NDUFB3: variants seen among roughly 807,000 people sequenced by gnomAD.
NDUFB3 encodes the protein NADH:ubiquinone oxidoreductase subunit B3, also known as NADH dehydrogenase [ubiquinone] 1 beta subcomplex subunit 3.
Under a neutral mutation model 9.0 loss-of-function variants are expected in NDUFB3, and 7 were observed. That is an observed-to-expected ratio of 0.78 (90% CI 0.44 to 1.46). The LOEUF (loss-of-function observed/expected upper bound fraction) is 1.46. Ranked by LOEUF, NDUFB3 falls within the 40% of genes most tolerant of loss-of-function variation. NDUFB3 has a pLI of 0.01. For missense variants in NDUFB3, 93 were observed against 115.4 expected, an observed-to-expected ratio of 0.81 and a Z score of 0.89; for synonymous variants, 29 against 38.5, an observed-to-expected ratio of 0.75 and a Z score of 0.91.
In NDUFB3 at chr2:201,076,512, T is replaced by TATATATAA. The variant is rs1250913348; in HGVS notation, c.-2-2368_-2-2367insTATATAAA. Among the ~76,000 whole-genome samples, 52 of 134,426 alleles carry TATATATAA rather than the reference T, an allele frequency of 3.9e-4. 1 individual carries two copies. Among genetic ancestry groups the TATATATAA allele is most frequent in the African/African-American group, 1.4e-3 (50 of 35,534 alleles). The allele number at this position is 134,426 out of a possible 152,430, so 88.2% of individuals were successfully genotyped here. On this transcript the variant is annotated intron_variant, in intron 1 of 2. Transcript: ENST00000237889. ...ATATATATATATATATATATATATATAATTAAATGTGAAAATCATCAACAT... is the reference window on the plus strand; with the variant it reads ...ATATATATATATATATATATATATATATATATAAAATTAAATGTGAAAATCATCAACAT...
At chr2:201,078,807 C>A in intron 1 of NDUFB3, 74 bp from the exon 2 acceptor site, 2 of 1,362,944 alleles carry the variant, frequency 1.5e-6, no homozygotes, top group East Asian at 2.5e-5. Context: ...TACCTTAAAA[C>A]ATAAACAATA....
At chr2:201,078,320 G>A (rs1455346141) in intron 1 of NDUFB3, among the ~76,000 whole-genome samples, 3 of 151,948 alleles carry the variant, frequency 2.0e-5, no homozygotes, top group African/African-American at 7.2e-5. Context: ...AGAAGAAGAA[G>A]AAGTTAGGAG....
At chr2:201,078,281 G>A (rs1217725033) in intron 1 of NDUFB3, among the ~76,000 whole-genome samples, 1 of 152,126 alleles carries the variant, frequency 6.6e-6, no homozygotes, top group East Asian at 1.9e-4. Flanking sequence ...CAGCCTGAGC[G>A]ACAGAGCGAG....
At chr2:201,074,491 CTG>C (rs1297547732) in intron 1 of NDUFB3, among the ~76,000 whole-genome samples, 2 of 137,750 alleles carry the variant, frequency 1.5e-5, no homozygotes, top group African/African-American at 2.8e-5. Context: ...GAATCTCACT[CTG>C]TCACCCAGGC....
intron 1 of NDUFB3, among the ~76,000 whole-genome samples, chr2:201,074,015 C>T (rs555150677): frequency 7.9e-5 from 12 of 152,128 alleles, no homozygotes; most frequent in East Asian, 5.8e-4. Context: ...TGCAGTGGCG[C>T]GATCTCGGCT....
At chr2:201,075,097 A>G (rs542248537) in intron 1 of NDUFB3, among the ~76,000 whole-genome samples, 2 of 151,674 alleles carry the variant, frequency 1.3e-5, no homozygotes, top group South Asian at 2.1e-4. Context: ...TGTAGTCCCA[A>G]TATTTTAGGA....
At chr2:201,075,929 A>G (rs2047158668) in intron 1 of NDUFB3, among the ~76,000 whole-genome samples, 1 of 152,200 alleles carries the variant, frequency 6.6e-6, no homozygotes, top group African/African-American at 2.4e-5. Flanking sequence ...GTCTTGTTTT[A>G]AGTGTTTTTA....
In NDUFB3 at chr2:201,085,744, A is replaced by AT. The variant is rs1447752189; in HGVS notation, c.*130dup. ...ATTTAATCAATTAAAATATATATATATGCCAATCTGCTTTTGTCATTCTTA... is the reference window on the plus strand; with the variant it reads ...ATTTAATCAATTAAAATATATATATATTGCCAATCTGCTTTTGTCATTCTTA... On this transcript the variant is annotated 3_prime_UTR_variant, in exon 3 of 3. Coordinates refer to ENST00000237889, the MANE Select transcript of NDUFB3 (RefSeq NM_002491.3). 7.3e-6 allele frequency: 5 copies of AT among 686,408 alleles called. No individual in the cohort carries two copies. In the African/African-American group the frequency reaches 9.1e-5, roughly 13 times the overall value. 42.5% of individuals were successfully genotyped at this position (686,408 alleles called of 1,614,324 possible). A position where few individuals can be genotyped will look rare whatever the true frequency, so the allele number is the denominator to read the frequency against.
rs2047196390 is a variant in NDUFB3 at position 201,079,001 on chromosome 2, G to A, written c.119G>A (p.Gly40Glu). ...ATCCAGAAGAAGCTGGCTGCAAAAG[G>A]GCTAAGGGATCCATGGGGCCGGTAA... is the stretch of plus-strand genomic sequence containing the variant. Reference protein sequence around the residue: ...ETIQKKLAAKGLRDPWGRNEA... With the variant: ...ETIQKKLAAKELRDPWGRNEA... The change falls in exon 2 of 3, where the codon GGG becomes GAG. Residue 40 changes from glycine to glutamate, a missense_variant. Physicochemically the swap from Gly to Glu is moderately conservative, Grantham distance 98 (BLOSUM62 -2). Coordinates refer to ENST00000237889, the MANE Select transcript of NDUFB3 (RefSeq NM_002491.3). The A allele has an allele frequency of 6.2e-7, 1 of 1,612,098 alleles. No individual in the cohort carries two copies. Among genetic ancestry groups the A allele is most frequent in the East Asian group, 2.2e-5 (1 of 44,862 alleles).
rs1480536403 is a variant in NDUFB3 at position 201,085,477 on chromosome 2, C to G, written c.159C>G (p.Tyr53Ter). The change falls in exon 3 of 3, where the codon TAC becomes TAG. Residue 53 changes from tyrosine to a stop codon, truncating the protein, a stop_gained. Coordinates refer to ENST00000237889, the MANE Select transcript of NDUFB3 (RefSeq NM_002491.3). LOFTEE classifies it high-confidence loss of function. ...DPWGRNEAWR[Y>*]MGGFAKSVSF... ...TTTCTAGCAATGAAGCTTGGAGATA[C>G]ATGGGTGGCTTTGCAAAGAGTGTTT... 1.2e-6 allele frequency: 2 copies of G among 1,602,700 alleles called. No homozygotes were observed. The highest frequency in any genetic ancestry group is 3.4e-5 in the Admixed American group (2 of 58,762).
chr2:201,076,140 A>T (rs1048285876), intron 1 of NDUFB3, among the ~76,000 whole-genome samples: 1 of 152,092 alleles, frequency 6.6e-6, no homozygotes, highest in Admixed American at 6.6e-5. Flanking sequence ...TAAATGTTTC[A>T]TTCAGAGTTG....
rs2047196043 is a variant in NDUFB3, at chr2:201,078,981, G to A, written c.99G>A (p.Gln33=). 1 of 1,613,244 alleles carries A rather than the reference G, an allele frequency of 6.2e-7. No homozygotes were observed. Among genetic ancestry groups the A allele is most frequent in the Non-Finnish European group, 8.5e-7 (1 of 1,179,792 alleles). Residue 33 remains glutamine (Q), a synonymous_variant, in exon 2 of 3, where the codon CAG becomes CAA. Transcript: ENST00000237889. ...KIEGTPLETI[Q]KKLAAKGLRD... ...AAGGGACACCATTAGAAACTATCCAGAAGAAGCTGGCTGCAAAAGGGCTAA... is the reference window on the plus strand; with the variant it reads ...AAGGGACACCATTAGAAACTATCCAAAAGAAGCTGGCTGCAAAAGGGCTAA...
At chr2:201,075,651 C>T (rs981379674) in intron 1 of NDUFB3, among the ~76,000 whole-genome samples, 2 of 147,584 alleles carry the variant, frequency 1.4e-5, no homozygotes, top group African/African-American at 2.5e-5. Flanking sequence ...AGAGAAAATA[C>T]ATTGAATGTA....
At chr2:201,076,479 C>T (rs2047163675) in intron 1 of NDUFB3, among the ~76,000 whole-genome samples, 1 of 97,660 alleles carries the variant, frequency 1.0e-5, no homozygotes, top group Non-Finnish European at 2.2e-5. Flanking sequence ...GACCCTCTAT[C>T]TTTAAATATA....
At chr2:201,079,434 C>T (rs1405593649) in intron 2 of NDUFB3, among the ~76,000 whole-genome samples, 9 of 151,750 alleles carry the variant, frequency 5.9e-5, no homozygotes, top group Non-Finnish European at 1.2e-4. Flanking sequence ...TGAGCCACCA[C>T]GCCTGGCTAC....
intron 1 of NDUFB3, among the ~76,000 whole-genome samples, chr2:201,073,938 CT>C (rs1384067070): frequency 1.3e-5 from 2 of 151,960 alleles, no homozygotes; most frequent in Non-Finnish European, 2.9e-5. Flanking sequence ...TCCAAAGACA[CT>C]TTTATTTATT....
At chr2:201,078,308 T>G (rs924321276) in intron 1 of NDUFB3, among the ~76,000 whole-genome samples, 9 of 150,580 alleles carry the variant, frequency 6.0e-5, no homozygotes, top group African/African-American at 1.5e-4. Context: ...TCTCAAAAAA[T>G]AAGAAGAAGA....
intron 1 of NDUFB3, among the ~76,000 whole-genome samples, chr2:201,076,045 T>G (rs1349237719): frequency 2.0e-5 from 3 of 152,228 alleles, no homozygotes; most frequent in African/African-American, 7.2e-5. Flanking sequence ...TTGTAATAAA[T>G]GTATTCAGTC....
In NDUFB3 at chr2:201,076,968, C is replaced by T. The variant is rs904466831; in HGVS notation, c.-2-1913C>T. On this transcript the variant is annotated intron_variant, in intron 1 of 2. Coordinates refer to ENST00000237889, the MANE Select transcript of NDUFB3 (RefSeq NM_002491.3). ...ATGCAAAATTAGCCGGGCATGGTGG[C>T]GCATGCCTGTAATCCCAGCCACTCA... Among the ~76,000 whole-genome samples, 5 of 151,788 alleles carry T rather than the reference C, an allele frequency of 3.3e-5. 1 individual carries two copies. In the East Asian group the frequency reaches 5.9e-4, roughly 18 times the overall value.
Sources: gnomAD v4.1 joint callset for allele counts (sites outside exome capture counted in the v4.1 genomes callset) on GRCh38, gnomAD v4.1.1 for gene constraint, MANE v1.5 for transcripts, NCBI Gene and HGNC (gene_info 2026-07-23, HGNC 2026-07-21) for gene names.